The following DCT variants were observed in gnomAD, a reference collection of about 807,000 sequenced individuals.
The protein encoded by DCT is L-dopachrome tautomerase.
Under a neutral mutation model 53.0 loss-of-function variants are expected in DCT, and 47 were observed. That is an observed-to-expected ratio of 0.89 (90% CI 0.70 to 1.13). The LOEUF is 1.13. Ranked by LOEUF, DCT falls within the 50% of genes most tolerant of loss-of-function variation. The pLI, the probability that DCT is intolerant of heterozygous loss-of-function variation, is 0.00. For missense variants in DCT, 669 were observed against 637.4 expected (o/e 1.05, Z -0.53); for synonymous variants, 244 against 237.0 (o/e 1.03, Z -0.27).
chr13:94,442,222 T>C (rs748008949), intron 7 of DCT, among the ~76,000 whole-genome samples: 27 of 152,248 alleles, frequency 1.8e-4, no homozygotes, highest in Non-Finnish European at 2.2e-4. Flanking sequence ...ATCATCTTGA[T>C]TGCTTTCTAG....
Position 94,438,499 on chromosome 13 carries a change from G to A in DCT, c.*1399C>T, listed in dbSNP as rs1240090299. 1 of 431,320 alleles carries A rather than the reference G, an allele frequency of 2.3e-6. No homozygotes were observed. The highest frequency in any genetic ancestry group is 4.6e-6 in the Non-Finnish European group (1 of 215,978). 26.7% of individuals were successfully genotyped at this position (431,320 alleles called of 1,614,324 possible). ...ACCCTCTAGGACCCCTTATGTTGAA[G>A]GCAGCTCCAGGGACCTCTTAACACC... On this transcript the variant is annotated 3_prime_UTR_variant, in exon 8 of 8. Transcript: ENST00000377028.
At chr13:94,466,712 T>C in intron 2 of DCT, 54 bp from the exon 3 acceptor site, 1 of 1,255,098 alleles carries the variant, frequency 8.0e-7, no homozygotes, top group Non-Finnish European at 1.1e-6. Context: ...TTTTAAAATG[T>C]TAAATCTTAC....
the DCT span, among the ~76,000 whole-genome samples, chr13:94,493,651 A>G: frequency 2.0e-5 from 3 of 152,238 alleles, no homozygotes; most frequent in Non-Finnish European, 2.9e-5. Context: ...AAAGGGCTAC[A>G]TACGATATGA....
the DCT span, among the ~76,000 whole-genome samples, chr13:94,494,173 G>A: frequency 7.9e-5 from 12 of 152,182 alleles, no homozygotes; most frequent in South Asian, 2.1e-4. Context: ...AGTGCTCCTC[G>A]TCCCCATACA....
rs1884439492 is a variant in DCT, at chr13:94,469,044, T to C, written c.297A>G (p.Gly99=). Residue 99 remains glycine, a splice_region_variant and synonymous_variant, in exon 2 of 8, where the codon GGA becomes GGG. Coordinates refer to ENST00000377028, the MANE Select transcript of DCT (RefSeq NM_001922.5). ...CTCCACAATTATAGCCGGCAAAGTT[T>C]CCTAGTTCACAAAACAGAAAGATGG... ...KFFHRTCKCT[G]NFAGYNCGDC... 6.2e-7 allele frequency: 1 copy of C among 1,610,544 alleles called. No homozygotes were observed. The highest frequency in any genetic ancestry group is 1.7e-5 in the Admixed American group (1 of 59,944).
upstream of DCT, among the ~76,000 whole-genome samples, chr13:94,480,442 G>A (rs529316706): frequency 2.6e-5 from 4 of 152,216 alleles, no homozygotes; most frequent in South Asian, 8.3e-4. Context: ...GGACTGTCTT[G>A]GTAACTGTTT....
chr13:94,516,243 C>T, the DCT span, among the ~76,000 whole-genome samples: 1 of 151,892 alleles, frequency 6.6e-6, no homozygotes, highest in Non-Finnish European at 1.5e-5. Context: ...AAGATGATGG[C>T]CAAGTGCAGG....
upstream of DCT, among the ~76,000 whole-genome samples, chr13:94,481,245 A>G (rs1297711961): frequency 6.6e-6 from 1 of 152,242 alleles, no homozygotes; most frequent in Non-Finnish European, 1.5e-5. Flanking sequence ...ACATCTGCAA[A>G]GAAGACTCTT....
At chr13:94,490,363 G>C in the DCT span, among the ~76,000 whole-genome samples, 2 of 151,538 alleles carry the variant, frequency 1.3e-5, no homozygotes, top group Non-Finnish European at 2.9e-5. Flanking sequence ...AAATTAGCTG[G>C]GCATGGTGGT....
chr13:94,459,827 T>C (rs1594296263), intron 6 of DCT, among the ~76,000 whole-genome samples: 1 of 152,214 alleles, frequency 6.6e-6, no homozygotes, highest in Admixed American at 6.5e-5. Context: ...TTTATTATTA[T>C]GCTAATTTAT....
At chr13:94,508,510 G>C in the DCT span, among the ~76,000 whole-genome samples, 1 of 152,174 alleles carries the variant, frequency 6.6e-6, no homozygotes, top group South Asian at 2.1e-4. Flanking sequence ...AAGAAAGAAA[G>C]AAGGAAAAGA....
At chr13:94,547,984 A>AAAAAAAAAATATATATAT in the DCT span, among the ~76,000 whole-genome samples, 3 of 65,844 alleles carry the variant, frequency 4.6e-5, no homozygotes, top group African/African-American at 3.9e-4. Flanking sequence ...AAAAAAAAAA[A>AAAAAAAAAATATATATAT]ATATATATAT....
chr13:94,465,692 G>A lies in DCT; in HGVS notation c.804C>T (p.Asp268=), dbSNP rs201510532. Residue 268 remains aspartate, a synonymous_variant, in exon 4 of 8, where the codon GAC becomes GAT. Transcript: ENST00000377028. ...AGTTCCGACTAATCAGAGTCGGATC[G>A]TCTGGTCTCGCTGCCCCAAACAGCT... ...TDQLFGAARP[D]DPTLISRNSR... is the part of the protein sequence containing the mutation. The A allele has an allele frequency of 4.8e-5, 78 of 1,613,408 alleles. No homozygotes were observed. Among genetic ancestry groups the A allele is most frequent in the Middle Eastern group, 1.6e-4 (1 of 6,062 alleles).
rs1005848133 is a variant in DCT at position 94,479,096 on chromosome 13, A to G, written c.160T>C (p.Ser54Pro). 3 of 1,614,062 alleles carry G rather than the reference A, an allele frequency of 1.9e-6. No individual in the cohort carries two copies. The African/African-American group carries it at 4.0e-5, about 22-fold the overall frequency. ...GTGCACTGCCCCCGGCCTTGCTGAG[A>G]GCCACAGACATTGGCCGACTCTGCA... ...LGAESANVCG[S>P]QQGRGQCTEV... Residue 54 changes from serine (S) to proline (P), a missense_variant, in exon 1 of 8, where the codon TCT (serine) becomes CCT (proline). Coordinates refer to ENST00000377028, the MANE Select transcript of DCT (RefSeq NM_001922.5).
the DCT span, among the ~76,000 whole-genome samples, chr13:94,521,837 A>T: frequency 6.6e-6 from 1 of 152,242 alleles, no homozygotes; most frequent in Non-Finnish European, 1.5e-5. Flanking sequence ...TTGTGAAACC[A>T]TCGCCACAAT....
chr13:94,523,917 T>C, the DCT span, among the ~76,000 whole-genome samples: 1 of 152,116 alleles, frequency 6.6e-6, no homozygotes, highest in Non-Finnish European at 1.5e-5. Context: ...CAAATCTAAG[T>C]AATTTGCTAA....
chr13:94,530,511 T>A, the DCT span, among the ~76,000 whole-genome samples: 2 of 152,000 alleles, frequency 1.3e-5, no homozygotes, highest in Non-Finnish European at 2.9e-5. Flanking sequence ...ACGTAATCCA[T>A]CACATAAACA....
the DCT span, among the ~76,000 whole-genome samples, chr13:94,534,662 T>C: frequency 6.6e-6 from 1 of 152,240 alleles, no homozygotes; most frequent in Non-Finnish European, 1.5e-5. Context: ...AAGCACAGGC[T>C]AAATCAAGTT....
At chr13:94,462,243 C>T in intron 4 of DCT, 54 bp from the exon 5 acceptor site, 2 of 1,389,054 alleles carry the variant, frequency 1.4e-6, no homozygotes, top group Non-Finnish European at 2.0e-6. Flanking sequence ...CACAGTGGCT[C>T]ACGTCTGTAA....
Sources: allele counts gnomAD v4.1 joint callset (sites outside exome capture counted in the v4.1 genomes callset), GRCh38; gene constraint gnomAD v4.1.1; transcripts MANE v1.5; gene names NCBI Gene and HGNC (gene_info 2026-07-23, HGNC 2026-07-21).